HS2ST1: variants seen among roughly 807,000 people sequenced by gnomAD.
HS2ST1 encodes the protein heparan sulfate 2-O-sulfotransferase 1.
Under a neutral mutation model 42.9 loss-of-function variants are expected in HS2ST1, and 18 were observed. The ratio of observed to expected loss-of-function variants is 0.42; its 90% CI spans 0.29 to 0.62. The LOEUF (loss-of-function observed/expected upper bound fraction) is 0.62. Ranked by LOEUF, HS2ST1 falls within the 20% of genes least tolerant of loss-of-function variation. The pLI, the probability that HS2ST1 is intolerant of heterozygous loss-of-function variation, is 0.21. For missense variants in HS2ST1, 334 were observed against 433.8 expected (o/e 0.77, Z 2.04); for synonymous variants, 146 against 152.9 (o/e 0.95, Z 0.33).
chr1:87,039,969 A>G (rs1650478030), intron 1 of HS2ST1, among the ~76,000 whole-genome samples: 1 of 152,146 alleles, frequency 6.6e-6, no homozygotes, highest in Admixed American at 6.5e-5. Context: ...ATCCCATTGT[A>G]GGCTTTAAAA....
chr1:86,986,646 A>G (rs1648794060), intron 1 of HS2ST1, among the ~76,000 whole-genome samples: 1 of 152,194 alleles, frequency 6.6e-6, no homozygotes, highest in Admixed American at 6.5e-5. Flanking sequence ...GCTATTTGAG[A>G]AAGACTTTAT....
At chr1:87,098,027 C>T (rs1361760426) in intron 5 of HS2ST1, 92 bp downstream of exon 5, 10 of 1,554,976 alleles carry the variant, frequency 6.4e-6, no homozygotes, top group East Asian at 4.6e-5. Context: ...ATAGGGAAAT[C>T]GGTGAAAGAC....
At chr1:87,036,050 C>A (rs1650367200) in intron 1 of HS2ST1, among the ~76,000 whole-genome samples, 1 of 152,126 alleles carries the variant, frequency 6.6e-6, no homozygotes, top group Non-Finnish European at 1.5e-5. Context: ...TCAACTCCCA[C>A]TTATGAGTGA....
At position 87,105,928 on chromosome 1, in the gene HS2ST1, T is replaced by TA. The variant is rs1207415435; in HGVS notation, c.*1233dup. The stretch of plus-strand genomic sequence containing the variant: ...GATTTCAGGTCCTAGCTCTAGCACT[T>TA]ACAGCTGTGTGATCTTGGGCAAGTC... On this transcript the variant is annotated 3_prime_UTR_variant, in exon 7 of 7. Coordinates refer to ENST00000370550, the MANE Select transcript of HS2ST1 (RefSeq NM_012262.4). 6.5e-6 allele frequency: 1 copy of TA among 152,778 alleles called. No individual in the cohort carries two copies. The highest frequency in any genetic ancestry group is 1.5e-5 in the Non-Finnish European group (1 of 68,226). The allele number at this position is 152,778 out of a possible 1,614,324, so 9.5% of individuals were successfully genotyped here. A position where few individuals can be genotyped will look rare whatever the true frequency, so the allele number is the denominator to read the frequency against.
intron 1 of HS2ST1, among the ~76,000 whole-genome samples, chr1:87,049,204 C>G (rs1650771886): frequency 6.6e-6 from 1 of 151,856 alleles, no homozygotes; most frequent in African/African-American, 2.4e-5. Context: ...GCTACAGTTG[C>G]TTATAATATT....
intron 1 of HS2ST1, among the ~76,000 whole-genome samples, chr1:86,964,862 T>C (rs1647997009): frequency 6.6e-6 from 1 of 152,200 alleles, no homozygotes; most frequent in African/African-American, 2.4e-5. Context: ...GCAATAATGT[T>C]AGTAATAGTA....
At chr1:86,983,241 G>GT (rs1347069282) in intron 1 of HS2ST1, among the ~76,000 whole-genome samples, 1 of 152,152 alleles carries the variant, frequency 6.6e-6, no homozygotes, top group Non-Finnish European at 1.5e-5. Context: ...ACAATTTTCT[G>GT]TATCAGTCTG....
At chr1:86,955,603 T>A (rs1385209224) in intron 1 of HS2ST1, among the ~76,000 whole-genome samples, 1 of 152,094 alleles carries the variant, frequency 6.6e-6, no homozygotes, top group Non-Finnish European at 1.5e-5. Flanking sequence ...AAATAAATAA[T>A]CTTCATCCAA....
intron 1 of HS2ST1, among the ~76,000 whole-genome samples, chr1:87,069,653 A>G: frequency 6.6e-6 from 1 of 152,188 alleles, no homozygotes; most frequent in East Asian, 1.9e-4. Context: ...TAGGCCTAAC[A>G]TTATATTAAT....
chr1:87,073,801 C>T (rs1478917600), intron 2 of HS2ST1, among the ~76,000 whole-genome samples: 1 of 152,122 alleles, frequency 6.6e-6, no homozygotes, highest in Non-Finnish European at 1.5e-5. Context: ...TTCTCCCACA[C>T]CTGGAATTTT....
intron 2 of HS2ST1, among the ~76,000 whole-genome samples, chr1:87,076,883 A>G (rs1651559345): frequency 6.6e-6 from 1 of 152,232 alleles, no homozygotes; most frequent in African/African-American, 2.4e-5. Flanking sequence ...TCTCTGAAGA[A>G]CAACATGAAT....
intron 1 of HS2ST1, among the ~76,000 whole-genome samples, chr1:86,988,589 A>C (rs1648857787): frequency 6.6e-6 from 1 of 152,248 alleles, no homozygotes; most frequent in Non-Finnish European, 1.5e-5. Context: ...AGCTTTGCCC[A>C]GACCTTGGGA....
chr1:86,979,756 A>G (rs990458909), intron 1 of HS2ST1, among the ~76,000 whole-genome samples: 1 of 152,190 alleles, frequency 6.6e-6, no homozygotes, highest in Non-Finnish European at 1.5e-5. Flanking sequence ...CGGTAATTCT[A>G]TCTTTCACTT....
chr1:86,945,318 A>G (rs1557488654), intron 1 of HS2ST1, among the ~76,000 whole-genome samples: 1 of 152,332 alleles, frequency 6.6e-6, no homozygotes, highest in East Asian at 1.9e-4. Context: ...TGGAGAAAAG[A>G]TCATCGAAAT....
chr1:86,927,964 G>C (rs967304532), intron 1 of HS2ST1, among the ~76,000 whole-genome samples: 56 of 152,040 alleles, frequency 3.7e-4, no homozygotes, highest in Non-Finnish European at 2.9e-5. Flanking sequence ...ACAATGAATT[G>C]TACATCAAAT....
In HS2ST1 at chr1:87,097,878, C is replaced by A; in HGVS notation, c.629C>A (p.Ala210Asp). The A allele has an allele frequency of 6.2e-7, 1 of 1,613,922 alleles. No individual in the cohort carries two copies. Among genetic ancestry groups the A allele is most frequent in the Non-Finnish European group, 8.5e-7 (1 of 1,179,850 alleles). The change falls in exon 5 of 7, where the codon GCT becomes GAT. Residue 210 changes from alanine to aspartate, a missense_variant. Ala to Asp is a moderately radical substitution (Grantham distance 126). Transcript: ENST00000370550. Reference sequence around the variant, plus strand: ...GTAGCAGAAGGTGGCTCAGACTGTGCTCCAGAGAAGCTCTGGCTTCAAATC... The same window carrying A: ...GTAGCAGAAGGTGGCTCAGACTGTGATCCAGAGAAGCTCTGGCTTCAAATC... Reference protein sequence around the residue: ...ECVAEGGSDCAPEKLWLQIPF... With the variant: ...ECVAEGGSDCDPEKLWLQIPF...
At chr1:86,929,551 A>G (rs1376717396) in intron 1 of HS2ST1, among the ~76,000 whole-genome samples, 1 of 151,848 alleles carries the variant, frequency 6.6e-6, no homozygotes, top group Non-Finnish European at 1.5e-5. Flanking sequence ...TCCTATTAAT[A>G]CCTGTGAAAT....
chr1:87,036,865 G>T (rs968408026), intron 1 of HS2ST1, among the ~76,000 whole-genome samples: 2 of 152,044 alleles, frequency 1.3e-5, no homozygotes, highest in African/African-American at 2.4e-5. Context: ...ACTGAGGGAA[G>T]TATGTCCTTT....
intron 1 of HS2ST1, among the ~76,000 whole-genome samples, chr1:87,069,744 A>G (rs1451212392): frequency 6.6e-6 from 1 of 152,238 alleles, no homozygotes; most frequent in East Asian, 1.9e-4. Flanking sequence ...TGAGGAAAGT[A>G]GTGATGCCAA....
Sources: allele counts gnomAD v4.1 joint callset (sites outside exome capture counted in the v4.1 genomes callset), GRCh38; gene constraint gnomAD v4.1.1; transcripts MANE v1.5; gene names NCBI Gene and HGNC (gene_info 2026-07-23, HGNC 2026-07-21).